The following RFTN1 variants were observed in gnomAD, a reference collection of about 807,000 sequenced individuals.
The protein encoded by RFTN1 is raftlin, lipid raft linker 1, also known as raftlin.
In RFTN1, 26 loss-of-function variants were observed where a neutral mutation model predicts 46.5. The ratio of observed to expected loss-of-function variants is 0.56; its 90% CI spans 0.41 to 0.78. The LOEUF is 0.78. Ranked by LOEUF, RFTN1 falls within the 30% of genes least tolerant of loss-of-function variation. The pLI is 0.00. For synonymous variants in RFTN1, 261 were observed against 284.2 expected, an observed-to-expected ratio of 0.92 and a Z score of 0.82; for missense variants, 693 against 718.7, an observed-to-expected ratio of 0.96 and a Z score of 0.41.
At chr3:16,359,826 T>C (rs914079358) in intron 6 of RFTN1, among the ~76,000 whole-genome samples, 1 of 152,174 alleles carries the variant, frequency 6.6e-6, no homozygotes, top group Non-Finnish European at 1.5e-5. Flanking sequence ...CTTTTTTTTT[T>C]CATGGGGAGG....
rs2075768290 is a variant in RFTN1, at chr3:16,448,239, A to AT, written c.146-14203dup. Reference sequence around the variant, plus strand: ...CATGAAAATTAACTTGCCTGTTTTTATTTTTTAATGTGGTTACTAGAAAAT... The same window carrying AT: ...CATGAAAATTAACTTGCCTGTTTTTATTTTTTTAATGTGGTTACTAGAAAAT... On this transcript the variant is annotated intron_variant, in intron 2 of 9. Coordinates refer to ENST00000334133, the MANE Select transcript of RFTN1 (RefSeq NM_015150.2). This position sits in a 1 kb window ranked among gnomAD's most constrained non-coding sequence, Gnocchi z 4.1. 6.6e-6 allele frequency among the ~76,000 whole-genome samples: 1 copy of AT among 151,816 alleles called. No individual in the cohort carries two copies. Among genetic ancestry groups the AT allele is most frequent in the Non-Finnish European group, 1.5e-5 (1 of 67,942 alleles).
At position 16,507,718 on chromosome 3, in the gene RFTN1, CAT is replaced by C. The variant is rs1416101016; in HGVS notation, c.-9+5722_-9+5723del. 3.3e-5 allele frequency among the ~76,000 whole-genome samples: 5 copies of C among 151,408 alleles called. No homozygotes were observed. The highest frequency in any genetic ancestry group is 5.9e-5 in the Non-Finnish European group (4 of 67,836). On this transcript the variant is annotated intron_variant, in intron 1 of 9. Transcript: ENST00000334133. The surrounding 1 kb of genome is among the most constrained non-coding windows in gnomAD (Gnocchi z 7.1). Reference sequence around the variant, plus strand: ...ACACACACATACATACACATACACACATACACACAAACACATACACACATACA... The same window carrying C: ...ACACACACATACATACACATACACACACACACAAACACATACACACATACA...
At chr3:16,455,826 C>T (rs2075895781) in intron 2 of RFTN1, among the ~76,000 whole-genome samples, 1 of 152,200 alleles carries the variant, frequency 6.6e-6, no homozygotes, top group African/African-American at 2.4e-5. Context: ...ATCGGCTGTT[C>T]TGTCAAGATG....
At position 16,507,913 on chromosome 3, in the gene RFTN1, C is replaced by T. The variant is rs1156444255; in HGVS notation, c.-9+5529G>A. On this transcript the variant is annotated intron_variant, in intron 1 of 9. Coordinates refer to ENST00000334133, the MANE Select transcript of RFTN1 (RefSeq NM_015150.2). The surrounding 1 kb of genome is among the most constrained non-coding windows in gnomAD (Gnocchi z 7.1). ...GGCCCCCGTAAAGAATAAATTGTAA[C>T]CCTCAAGGAGGTCTGCCTATGGAAC... Among the ~76,000 whole-genome samples, 1 of 152,070 alleles carries T rather than the reference C, an allele frequency of 6.6e-6. No homozygotes were observed. Among genetic ancestry groups the T allele is most frequent in the African/African-American group, 2.4e-5 (1 of 41,394 alleles).
Position 16,443,418 on chromosome 3 carries a change from T to C in RFTN1, c.146-9381A>G, listed in dbSNP as rs2075668313. On this transcript the variant is annotated intron_variant, in intron 2 of 9. Transcript: ENST00000334133. This position sits in a 1 kb window ranked among gnomAD's most constrained non-coding sequence, Gnocchi z 5.5. ...TCAAGCCCTCTGCCCATTTTTCAAG[T>C]TGGGTTATTTGTATTTTTGCTATTG... Among the ~76,000 whole-genome samples, 1 of 152,188 alleles carries C rather than the reference T, an allele frequency of 6.6e-6. No individual in the cohort carries two copies.
At chr3:16,471,006 C>T (rs763658258) in intron 2 of RFTN1, among the ~76,000 whole-genome samples, 7 of 152,130 alleles carry the variant, frequency 4.6e-5, no homozygotes, top group Non-Finnish European at 1.0e-4. Context: ...GCAAAAAGTG[C>T]TTTGGAAAGT....
chr3:16,439,403 AT>A (rs1424890014), intron 2 of RFTN1, among the ~76,000 whole-genome samples: 1 of 152,180 alleles, frequency 6.6e-6, no homozygotes, highest in Admixed American at 6.5e-5. Context: ...GCCTGATTTC[AT>A]TTACAAATTA....
chr3:16,397,715 T>A (rs532869510), intron 4 of RFTN1, among the ~76,000 whole-genome samples: 1 of 152,182 alleles, frequency 6.6e-6, no homozygotes, highest in African/African-American at 2.4e-5. Flanking sequence ...AGATTCATCA[T>A]TGATTTGGTA....
In RFTN1 at chr3:16,483,182, G is replaced by A. The variant is rs2076395774; in HGVS notation, c.145+10543C>T. ...AGAGAGGTAATAAATACCTCATTAA[G>A]GAAAGGCAAAACAAACACTTCAGAG... On this transcript the variant is annotated intron_variant, in intron 2 of 9. Coordinates refer to ENST00000334133, the MANE Select transcript of RFTN1 (RefSeq NM_015150.2). The surrounding 1 kb of genome is among the most constrained non-coding windows in gnomAD (Gnocchi z 4.8). 6.6e-6 allele frequency among the ~76,000 whole-genome samples: 1 copy of A among 152,200 alleles called. No homozygotes were observed. The highest frequency in any genetic ancestry group is 1.5e-5 in the Non-Finnish European group (1 of 68,018).
At chr3:16,470,327 T>C (rs745596023) in intron 2 of RFTN1, among the ~76,000 whole-genome samples, 6 of 152,128 alleles carry the variant, frequency 3.9e-5, no homozygotes, top group Admixed American at 2.6e-4. Context: ...GGCAGGCAGA[T>C]ACTGGAGGGC....
rs908174290 is a variant in RFTN1 at position 16,450,228 on chromosome 3, A to G, written c.146-16191T>C. Among the ~76,000 whole-genome samples the G allele has an allele frequency of 2.0e-5, 3 of 152,344 alleles. No homozygotes were observed. The highest frequency in any genetic ancestry group is 6.8e-3 in the Middle Eastern group (2 of 294). On this transcript the variant is annotated intron_variant, in intron 2 of 9. Coordinates refer to ENST00000334133, the MANE Select transcript of RFTN1 (RefSeq NM_015150.2). This position sits in a 1 kb window ranked among gnomAD's most constrained non-coding sequence, Gnocchi z 4.6. ...CTACTAACTGCCAGAACAAGGGCTCATATCTTAAATTCTCCTCCCACCTCA... is the reference window on the plus strand; with the variant it reads ...CTACTAACTGCCAGAACAAGGGCTCGTATCTTAAATTCTCCTCCCACCTCA...
rs1397455860 is a variant in RFTN1 at position 16,507,876 on chromosome 3, T to C, written c.-9+5566A>G. 1.3e-5 allele frequency among the ~76,000 whole-genome samples: 2 copies of C among 151,322 alleles called. No individual in the cohort carries two copies. Among genetic ancestry groups the C allele is most frequent in the Admixed American group, 6.6e-5 (1 of 15,204 alleles). ...ATATACACACACACATGCACACATA[T>C]GAAAGCTGATAGGCCCCCGTAAAGA... On this transcript the variant is annotated intron_variant, in intron 1 of 9. Coordinates refer to ENST00000334133, the MANE Select transcript of RFTN1 (RefSeq NM_015150.2). This position sits in a 1 kb window ranked among gnomAD's most constrained non-coding sequence, Gnocchi z 7.1.
rs532746191 is a variant in RFTN1, at chr3:16,474,919, A to G, written c.145+18806T>C. ...CTCCTCTCCTCTTAAACCTAGTGAT[A>G]TGGTTTGGATATTTGTCCCCTCCAA... On this transcript the variant is annotated intron_variant, in intron 2 of 9. Coordinates refer to ENST00000334133, the MANE Select transcript of RFTN1 (RefSeq NM_015150.2). The surrounding 1 kb of genome is among the most constrained non-coding windows in gnomAD (Gnocchi z 5.5). Among the ~76,000 whole-genome samples the G allele has an allele frequency of 1.3e-5, 2 of 152,262 alleles. No homozygotes were observed. The highest frequency in any genetic ancestry group is 4.1e-4 in the South Asian group (2 of 4,822).
chr3:16,382,348 C>G lies in RFTN1; in HGVS notation c.442-4246G>C, dbSNP rs2074020482. Among the ~76,000 whole-genome samples the G allele has an allele frequency of 6.6e-6, 1 of 152,194 alleles. No homozygotes were observed. Among genetic ancestry groups the G allele is most frequent in the Non-Finnish European group, 1.5e-5 (1 of 68,034 alleles). ...TGTCTTACCCTAGTATAGACACTTT[C>G]CTCTTTTTCAGAAAGTCATTTGACC... On this transcript the variant is annotated intron_variant, in intron 4 of 9. Coordinates refer to ENST00000334133, the MANE Select transcript of RFTN1 (RefSeq NM_015150.2). This position sits in a 1 kb window ranked among gnomAD's most constrained non-coding sequence, Gnocchi z 4.7.
chr3:16,331,761 C>CT (rs1050791028), intron 7 of RFTN1, among the ~76,000 whole-genome samples: 2 of 152,108 alleles, frequency 1.3e-5, no homozygotes, highest in East Asian at 1.9e-4. Context: ...GGTATGTTCT[C>CT]TTTTTTTGGT....
rs566305959 is a variant in RFTN1 at position 16,443,370 on chromosome 3, A to G, written c.146-9333T>C. On this transcript the variant is annotated intron_variant, in intron 2 of 9. Coordinates refer to ENST00000334133, the MANE Select transcript of RFTN1 (RefSeq NM_015150.2). This position sits in a 1 kb window ranked among gnomAD's most constrained non-coding sequence, Gnocchi z 5.5. Reference sequence around the variant, plus strand: ...TCATATATGTGTGGGCCACTTTTATATCTCCTTGGGAGATATGTCTATTCA... The same window carrying G: ...TCATATATGTGTGGGCCACTTTTATGTCTCCTTGGGAGATATGTCTATTCA... 4.6e-5 allele frequency among the ~76,000 whole-genome samples: 7 copies of G among 152,292 alleles called. No individual in the cohort carries two copies. The South Asian group carries it at 1.2e-3, about 27-fold the overall frequency.
In RFTN1 at chr3:16,413,996, A is replaced by G. The variant is rs2125454958; in HGVS notation, c.333-4513T>C. Among the ~76,000 whole-genome samples, 1 of 152,364 alleles carries G rather than the reference A, an allele frequency of 6.6e-6. No homozygotes were observed. Among genetic ancestry groups the G allele is most frequent in the South Asian group, 2.1e-4 (1 of 4,830 alleles). On this transcript the variant is annotated intron_variant, in intron 3 of 9. Transcript: ENST00000334133. This position sits in a 1 kb window ranked among gnomAD's most constrained non-coding sequence, Gnocchi z 4.7. ...TAGGACAAAAAGAAGCAAAGCCCTT[A>G]GCACAGAGGTACAACATCCAGGCTC...
rs1324180043 is a variant in RFTN1 at position 16,440,150 on chromosome 3, G to A, written c.146-6113C>T. ...AGCCTACTCAGAGTGGGCCGCTGCC[G>A]CGAGGGCTGATCACACTTTTTCTCC... On this transcript the variant is annotated intron_variant, in intron 2 of 9. Transcript: ENST00000334133. The surrounding 1 kb of genome is among the most constrained non-coding windows in gnomAD (Gnocchi z 4.6). Among the ~76,000 whole-genome samples, 1 of 152,190 alleles carries A rather than the reference G, an allele frequency of 6.6e-6. No individual in the cohort carries two copies. The highest frequency in any genetic ancestry group is 1.5e-5 in the Non-Finnish European group (1 of 68,022).
chr3:16,443,614 T>C lies in RFTN1; in HGVS notation c.146-9577A>G, dbSNP rs1181398458. ...AGCAACAGATGCCTCATCAAATGAA[T>C]TAAGTTGCCGGCCGCCGGACCACAA... On this transcript the variant is annotated intron_variant, in intron 2 of 9. Transcript: ENST00000334133. This position sits in a 1 kb window ranked among gnomAD's most constrained non-coding sequence, Gnocchi z 5.5. Among the ~76,000 whole-genome samples the C allele has an allele frequency of 6.6e-6, 1 of 152,130 alleles. No individual in the cohort carries two copies. The highest frequency in any genetic ancestry group is 2.4e-5 in the African/African-American group (1 of 41,408).
Sources: gnomAD v4.1 joint callset for allele counts (sites outside exome capture counted in the v4.1 genomes callset) on GRCh38, gnomAD v4.1.1 for gene constraint, Gnocchi (gnomAD v3.1) non-coding constraint, MANE v1.5 for transcripts, NCBI Gene and HGNC (gene_info 2026-07-23, HGNC 2026-07-21) for gene names.